SIK2: variants seen among roughly 807,000 people sequenced by gnomAD.
The protein encoded by SIK2 is serine/threonine-protein kinase SIK2.
SIK2 carries 29 observed loss-of-function variants against 103.2 expected under a neutral mutation model. The observed-to-expected ratio is 0.28, with a 90% CI of 0.21 to 0.38. SIK2 has a LOEUF of 0.38. SIK2 is among the 10% of genes least tolerant of loss of function. The probability of loss-of-function intolerance (pLI) is 1.00; values close to 1 mark genes in which losing one functional copy is unlikely to be tolerated. For synonymous variants in SIK2, 412 were observed against 446.1 expected (o/e 0.92, Z 0.96); for missense variants, 879 against 1,171.0 (o/e 0.75, Z 3.64).
intron 7 of SIK2, among the ~76,000 whole-genome samples, chr11:111,703,739 T>G (rs115965116): frequency 1.6e-3 from 247 of 152,302 alleles, no homozygotes; most frequent in African/African-American, 5.7e-3. Flanking sequence ...ACATAGGTAT[T>G]TAACTAGTTT....
rs1172539264 is a variant in SIK2, at chr11:111,721,065, G to A, written c.1944+3G>A. 3.7e-6 allele frequency: 6 copies of A among 1,610,880 alleles called. No homozygotes were observed. Among genetic ancestry groups the A allele is most frequent in the South Asian group, 3.3e-5 (3 of 90,530 alleles). The stretch of plus-strand genomic sequence containing the variant: ...ACCTTGCTAGCAGCTGCCCTCAGGT[G>A]GGTACCTTGGGCCCTTCCCTCAATG... On this transcript the variant is annotated splice_donor_region_variant and intron_variant, in intron 12 of 14. Transcript: ENST00000304987.
In SIK2 at chr11:111,723,676, C is replaced by T. The variant is rs757007217; in HGVS notation, c.2328C>T (p.Pro776=). The T allele has an allele frequency of 6.2e-6, 10 of 1,614,052 alleles. No individual in the cohort carries two copies. Among genetic ancestry groups the T allele is most frequent in the East Asian group, 4.5e-5 (2 of 44,894 alleles). Residue 776 remains proline (P), a synonymous_variant, in exon 15 of 15, where the codon CCC becomes CCT. Transcript: ENST00000304987. ...PPFSLTQPLS[P]VLEPSSEQMQ... is the part of the protein sequence containing the mutation. ...TCAGCCTGACCCAGCCCCTGAGCCC[C>T]GTCCTGGAGCCTTCCTCCGAGCAGA...
intron 8 of SIK2, among the ~76,000 whole-genome samples, chr11:111,711,775 C>T (rs561858802): frequency 6.6e-6 from 1 of 152,320 alleles, no homozygotes; most frequent in South Asian, 2.1e-4. Context: ...TCCAGCGTCC[C>T]TTGTGTTGTA....
In SIK2 at chr11:111,726,645, T is replaced by C; in HGVS notation, c.*2516T>C. 1 of 321,518 alleles carries C rather than the reference T, an allele frequency of 3.1e-6. No individual in the cohort carries two copies. The highest frequency in any genetic ancestry group is 5.8e-6 in the Non-Finnish European group (1 of 171,882). The allele number at this position is 321,518 out of a possible 1,614,324, so 19.9% of individuals were successfully genotyped here. A position where few individuals can be genotyped will look rare whatever the true frequency, so the allele number is the denominator to read the frequency against. On this transcript the variant is annotated 3_prime_UTR_variant, in exon 15 of 15. Coordinates refer to ENST00000304987, the MANE Select transcript of SIK2 (RefSeq NM_015191.3). ...GTTTGCTCAGCCCTGTCTGATCACCTGTGCTGCTCTGTCCCTAACTAGTGA... is the reference window on the plus strand; with the variant it reads ...GTTTGCTCAGCCCTGTCTGATCACCCGTGCTGCTCTGTCCCTAACTAGTGA...
At chr11:111,611,006 G>A (rs1941716600) in intron 1 of SIK2, among the ~76,000 whole-genome samples, 1 of 152,020 alleles carries the variant, frequency 6.6e-6, no homozygotes, top group Admixed American at 6.6e-5. Flanking sequence ...ATACTTTTTG[G>A]AGGCCAAGGC....
At chr11:111,659,674 C>T (rs1002475645) in intron 3 of SIK2, among the ~76,000 whole-genome samples, 1 of 152,050 alleles carries the variant, frequency 6.6e-6, no homozygotes, top group Non-Finnish European at 1.5e-5. Context: ...CAGCTTCCGT[C>T]TTTGTCTCTC....
chr11:111,616,711 T>C (rs2135836608), intron 2 of SIK2, among the ~76,000 whole-genome samples: 1 of 152,128 alleles, frequency 6.6e-6, no homozygotes, highest in East Asian at 1.9e-4. Context: ...CCTGGTGTGG[T>C]GGTGCACATC....
intron 3 of SIK2, among the ~76,000 whole-genome samples, chr11:111,684,324 TTTC>T (rs1942815752): frequency 6.6e-6 from 1 of 152,192 alleles, no homozygotes; most frequent in African/African-American, 2.4e-5. Flanking sequence ...TTGGGGTCTC[TTTC>T]TATATATGTA....
At chr11:111,611,698 T>A (rs1941728423) in intron 1 of SIK2, among the ~76,000 whole-genome samples, 1 of 152,160 alleles carries the variant, frequency 6.6e-6, no homozygotes, top group Non-Finnish European at 1.5e-5. Context: ...TATTGAAAGT[T>A]TTTTTAAGAT....
chr11:111,656,449 A>G (rs1591603136), intron 3 of SIK2, among the ~76,000 whole-genome samples: 5 of 152,348 alleles, frequency 3.3e-5, no homozygotes, highest in Middle Eastern at 6.8e-3. Context: ...TGGTTATTAT[A>G]TGAATTCAAG....
chr11:111,678,465 G>A (rs1942734679), intron 3 of SIK2, among the ~76,000 whole-genome samples: 1 of 152,150 alleles, frequency 6.6e-6, no homozygotes, highest in South Asian at 2.1e-4. Flanking sequence ...AAAGCACTGT[G>A]CTTTGAGATT....
intron 3 of SIK2, among the ~76,000 whole-genome samples, chr11:111,647,337 C>G (rs556809625): frequency 4.6e-5 from 7 of 152,066 alleles, no homozygotes; most frequent in African/African-American, 1.4e-4. Context: ...AGATTTCCCT[C>G]CAGACATATG....
intron 8 of SIK2, among the ~76,000 whole-genome samples, chr11:111,706,877 T>C (rs1483191746): frequency 6.6e-6 from 1 of 151,064 alleles, no homozygotes; most frequent in Non-Finnish European, 1.5e-5. Context: ...GGAGAATCGC[T>C]TGAACCTGGG....
chr11:111,648,319 G>A (rs1221670135), intron 3 of SIK2, among the ~76,000 whole-genome samples: 1 of 151,894 alleles, frequency 6.6e-6, no homozygotes, highest in Non-Finnish European at 1.5e-5. Context: ...TTTATTTCTC[G>A]CAGTTCTGGA....
At chr11:111,690,006 CAT>C (rs1942907664) in intron 4 of SIK2, among the ~76,000 whole-genome samples, 1 of 151,184 alleles carries the variant, frequency 6.6e-6, no homozygotes, top group Non-Finnish European at 1.5e-5. Flanking sequence ...ATATATCACA[CAT>C]ATACACGTAT....
At position 111,722,553 on chromosome 11, in the gene SIK2, G is replaced by A; in HGVS notation, c.2056-112G>A. 9.8e-7 allele frequency: 1 copy of A among 1,022,842 alleles called. No homozygotes were observed. 63.4% of individuals were successfully genotyped at this position (1,022,842 alleles called of 1,614,324 possible). ...GTAAATGTCAGTCCCTTCACCCCGT[G>A]TGGATTCTGTAGAATGCAGTTAGAT... On this transcript the variant is annotated intron_variant, in intron 13 of 14. Coordinates refer to ENST00000304987, the MANE Select transcript of SIK2 (RefSeq NM_015191.3). This position sits in a 1 kb window ranked among gnomAD's most constrained non-coding sequence, Gnocchi z 4.4.
intron 4 of SIK2, among the ~76,000 whole-genome samples, chr11:111,699,947 G>A (rs1164364209): frequency 1.3e-5 from 2 of 152,212 alleles, no homozygotes; most frequent in Non-Finnish European, 2.9e-5. Context: ...CTCCAGCTGG[G>A]TGGAGAGCCA....
chr11:111,615,855 G>A (rs543292556), intron 1 of SIK2, among the ~76,000 whole-genome samples: 19 of 152,194 alleles, frequency 1.2e-4, no homozygotes, highest in East Asian at 7.7e-4. Context: ...GCTATCTTCC[G>A]AACTGTCTTC....
rs188647126 is a variant in SIK2 at position 111,630,539 on chromosome 11, G to A, written c.316+10137G>A. 4.6e-5 allele frequency among the ~76,000 whole-genome samples: 7 copies of A among 152,142 alleles called. No homozygotes were observed. The East Asian group carries it at 9.6e-4, about 21-fold the overall frequency. On this transcript the variant is annotated intron_variant, in intron 3 of 14. Coordinates refer to ENST00000304987, the MANE Select transcript of SIK2 (RefSeq NM_015191.3). ...TTTAGTAATAGAAGTATAGATTTGAGGATTACCTGAATAGAAGTGATCAAT... is the reference window on the plus strand; with the variant it reads ...TTTAGTAATAGAAGTATAGATTTGAAGATTACCTGAATAGAAGTGATCAAT...
Sources: allele counts gnomAD v4.1 joint callset (sites outside exome capture counted in the v4.1 genomes callset), GRCh38; gene constraint gnomAD v4.1.1; non-coding constraint Gnocchi (gnomAD v3.1); transcripts MANE v1.5; gene names NCBI Gene and HGNC (gene_info 2026-07-23, HGNC 2026-07-21).